ELP3: variants seen among roughly 807,000 people sequenced by gnomAD.
ELP3 encodes elongator complex protein 3.
Under a neutral mutation model 74.9 loss-of-function variants are expected in ELP3, and 56 were observed. The observed-to-expected ratio is 0.75, with a 90% CI of 0.60 to 0.93. The LOEUF is 0.93. Ranked by LOEUF, ELP3 falls within the 40% of genes least tolerant of loss-of-function variation. ELP3 has a pLI of 0.00. For synonymous variants in ELP3, 222 were observed against 239.8 expected, an observed-to-expected ratio of 0.93 and a Z score of 0.68; for missense variants, 573 against 686.5, an observed-to-expected ratio of 0.83 and a Z score of 1.85.
intron 1 of ELP3, among the ~76,000 whole-genome samples, chr8:28,094,165 C>T (rs1167796252): frequency 6.6e-6 from 1 of 152,182 alleles, no homozygotes. Flanking sequence ...CTCACTCTAA[C>T]TTGCTCCTTC....
rs183161861 is a variant in ELP3, at chr8:28,158,144, C to A, written c.1192-424C>A. Among the ~76,000 whole-genome samples the A allele has an allele frequency of 1.5e-3, 234 of 151,394 alleles. 1 individual carries two copies. Among genetic ancestry groups the A allele is most frequent in the African/African-American group, 5.2e-3 (215 of 41,234 alleles). On this transcript the variant is annotated intron_variant, in intron 11 of 14. Coordinates refer to ENST00000256398, the MANE Select transcript of ELP3 (RefSeq NM_018091.6). Reference sequence around the variant, plus strand: ...TGGGGATGCTAAAAATGTTAACTGCCGTAAAATGGAGGTTTTAAACATTTA... The same window carrying A: ...TGGGGATGCTAAAAATGTTAACTGCAGTAAAATGGAGGTTTTAAACATTTA...
intron 7 of ELP3, among the ~76,000 whole-genome samples, chr8:28,122,071 A>G (rs1812395210): frequency 6.6e-6 from 1 of 152,170 alleles, no homozygotes; most frequent in Admixed American, 6.5e-5. Context: ...AAATGGTCAT[A>G]TGATTTTCCT....
chr8:28,110,721 G>A (rs1811884817), intron 6 of ELP3: 1 of 307,550 alleles, frequency 3.3e-6, no homozygotes, highest in East Asian at 8.2e-5. Context: ...GTGGAATAAA[G>A]ATGTATGAAA....
chr8:28,145,975 A>G (rs957590782), intron 10 of ELP3, among the ~76,000 whole-genome samples: 3 of 152,180 alleles, frequency 2.0e-5, no homozygotes, highest in African/African-American at 7.2e-5. Flanking sequence ...AAGGAAGATA[A>G]TTTGAGTGAG....
intron 12 of ELP3, among the ~76,000 whole-genome samples, chr8:28,159,178 A>T (rs1813966441): frequency 6.6e-6 from 1 of 152,170 alleles, no homozygotes; most frequent in African/African-American, 2.4e-5. Context: ...CATGGTATGT[A>T]ATGAATTAAC....
intron 9 of ELP3, 129 bp downstream of exon 9, chr8:28,132,533 G>A: frequency 8.3e-7 from 1 of 1,207,026 alleles, no homozygotes; most frequent in Non-Finnish European, 1.2e-6. Flanking sequence ...TAGAATATTA[G>A]AAACACAGTA....
rs201988357 is a variant in ELP3, at chr8:28,189,700, C to A, written c.1619C>A (p.Pro540Gln). Residue 540 changes from proline to glutamine, a missense_variant, in exon 15 of 15, where the codon CCG becomes CAG. Transcript: ENST00000256398. ...YRKIGYRLQG[P>Q]YMVKMLK ...AAGATCGGCTACAGATTACAAGGCC[C>A]GTACATGGTGAAGATGCTGAAATAA... 3.7e-6 allele frequency: 6 copies of A among 1,614,098 alleles called. No homozygotes were observed. The South Asian group carries it at 4.4e-5, about 12-fold the overall frequency.
chr8:28,107,090 A>C (rs1186310306), intron 4 of ELP3, among the ~76,000 whole-genome samples: 9 of 152,146 alleles, frequency 5.9e-5, no homozygotes, highest in African/African-American at 2.2e-4. Flanking sequence ...TCTACTAAAA[A>C]TACAAAAATT....
chr8:28,110,235 G>A, intron 5 of ELP3, 135 bp from the exon 6 acceptor site: 2 of 760,204 alleles, frequency 2.6e-6, no homozygotes, highest in Admixed American at 2.7e-5. Context: ...TGACAAGACT[G>A]AGAAAAATTA....
intron 7 of ELP3, chr8:28,119,158 A>G (rs1812254946): frequency 6.6e-6 from 1 of 152,076 alleles, no homozygotes; most frequent in Non-Finnish European, 1.5e-5. Flanking sequence ...TCTATTGACC[A>G]TTTTACTTTC....
chr8:28,127,527 AT>A (rs1812627130), intron 7 of ELP3, among the ~76,000 whole-genome samples: 1 of 152,026 alleles, frequency 6.6e-6, no homozygotes, highest in Non-Finnish European at 1.5e-5. Flanking sequence ...TTTCTCCATA[AT>A]ATATGAATAT....
chr8:28,165,444 G>A (rs1436542431), intron 14 of ELP3, among the ~76,000 whole-genome samples: 3 of 152,110 alleles, frequency 2.0e-5, no homozygotes, highest in African/African-American at 7.2e-5. Flanking sequence ...GATACTGTTT[G>A]ACCTAAGTGT....
intron 10 of ELP3, among the ~76,000 whole-genome samples, chr8:28,150,910 C>A (rs931603449): frequency 6.6e-6 from 1 of 152,174 alleles, no homozygotes; most frequent in Non-Finnish European, 1.5e-5. Context: ...TCTCCCACCT[C>A]AGCCTCCCAA....
chr8:28,110,746 G>A lies in ELP3; in HGVS notation c.462+308G>A, dbSNP rs114337743. 985 of 262,522 alleles carry A rather than the reference G, an allele frequency of 3.8e-3. 11 individuals are homozygous for A. Among genetic ancestry groups the A allele is most frequent in the African/African-American group, 0.021 (929 of 43,656 alleles). The allele number at this position is 262,522 out of a possible 1,614,324, so 16.3% of individuals were successfully genotyped here. A position where few individuals can be genotyped will look rare whatever the true frequency, so the allele number is the denominator to read the frequency against. The stretch of plus-strand genomic sequence containing the variant: ...GATGTATGAAAGTTCTTAGACAATG[G>A]GTGGGTGTGTTGACTTTTAATTTCC... On this transcript the variant is annotated intron_variant, in intron 6 of 14. Transcript: ENST00000256398.
chr8:28,142,602 A>G (rs1456250999), intron 10 of ELP3, among the ~76,000 whole-genome samples: 1 of 152,218 alleles, frequency 6.6e-6, no homozygotes, highest in African/African-American at 2.4e-5. Context: ...AGGACAGTTT[A>G]TTTTTTGAAG....
intron 7 of ELP3, among the ~76,000 whole-genome samples, chr8:28,123,855 A>G (rs973385963): frequency 4.0e-5 from 6 of 151,670 alleles, no homozygotes; most frequent in Admixed American, 2.6e-4. Context: ...TGCCCTGTGT[A>G]TTATCCTTTT....
At chr8:28,184,631 A>T (rs1815161053) in intron 14 of ELP3, among the ~76,000 whole-genome samples, 1 of 151,938 alleles carries the variant, frequency 6.6e-6, no homozygotes. Context: ...GATGTAAGGA[A>T]CTCTTCTCTC....
chr8:28,133,701 A>T (rs1301511254), intron 9 of ELP3, among the ~76,000 whole-genome samples: 1 of 152,170 alleles, frequency 6.6e-6, no homozygotes, highest in Non-Finnish European at 1.5e-5. Context: ...AATGCAGTTT[A>T]CCATGTCTTA....
chr8:28,148,650 G>A (rs1254723221), intron 10 of ELP3, among the ~76,000 whole-genome samples: 1 of 152,166 alleles, frequency 6.6e-6, no homozygotes, highest in Admixed American at 6.5e-5. Flanking sequence ...ATGAATGGGT[G>A]TTGGATTTTG....
Sources: allele counts gnomAD v4.1 joint callset (sites outside exome capture counted in the v4.1 genomes callset), GRCh38; gene constraint gnomAD v4.1.1; transcripts MANE v1.5; gene names NCBI Gene and HGNC (gene_info 2026-07-23, HGNC 2026-07-21).